Variants in PTPN21 observed in about 807,000 individuals in gnomAD.
PTPN21 encodes protein tyrosine phosphatase non-receptor type 21.
PTPN21 carries 77 observed loss-of-function variants against 131.8 expected under a neutral mutation model. The observed-to-expected ratio is 0.58, with a 90% confidence interval of 0.49 to 0.71. The LOEUF (loss-of-function observed/expected upper bound fraction) is 0.71. Among genes scored for constraint, PTPN21 ranks in the 30% least tolerant of loss-of-function variants. The pLI is 0.00. For missense variants in PTPN21, 1,552 were observed against 1,527.1 expected (o/e 1.02, Z -0.27); for synonymous variants, 715 against 621.3 (o/e 1.15, Z -2.24).
At position 88,489,874 on chromosome 14, in the gene PTPN21, C is replaced by T. The variant is rs116252227; in HGVS notation, c.933-4032G>A. 6.6e-3 allele frequency among the ~76,000 whole-genome samples: 1,001 copies of T among 152,192 alleles called. 12 individuals are homozygous for T. Among genetic ancestry groups the T allele is most frequent in the African/African-American group, 0.023 (960 of 41,514 alleles). On this transcript the variant is annotated intron_variant, in intron 10 of 18. Coordinates refer to ENST00000556564, the MANE Select transcript of PTPN21 (RefSeq NM_007039.4). ...CACTGTTCACCCCCCTACCAAACCC[C>T]GCCTTAGGTGTAGCTTCCTGGCATT...
intron 15 of PTPN21, among the ~76,000 whole-genome samples, chr14:88,471,644 G>A (rs1257834433): frequency 6.6e-6 from 1 of 152,096 alleles, no homozygotes; most frequent in Non-Finnish European, 1.5e-5. Flanking sequence ...TATGTAAAGA[G>A]AACAGATGGC....
chr14:88,474,390 A>G lies in PTPN21; in HGVS notation c.2512-588T>C, dbSNP rs568483621. Among the ~76,000 whole-genome samples, 4 of 152,152 alleles carry G rather than the reference A, an allele frequency of 2.6e-5. No individual in the cohort carries two copies. The East Asian group carries it at 5.8e-4, about 22-fold the overall frequency. On this transcript the variant is annotated intron_variant, in intron 13 of 18. Coordinates refer to ENST00000556564, the MANE Select transcript of PTPN21 (RefSeq NM_007039.4). ...TGTTTTGTAGAGATGGGGTCTCACT[A>G]TGTTGCCCAGGCTGGTCTCAAACAA...
intron 2 of PTPN21, among the ~76,000 whole-genome samples, chr14:88,535,039 C>T (rs2078610469): frequency 6.6e-6 from 1 of 152,148 alleles, no homozygotes; most frequent in African/African-American, 2.4e-5. Flanking sequence ...ACGGTAAGTA[C>T]CCTATACAGG....
At chr14:88,526,542 G>C (rs376611418) in intron 2 of PTPN21, among the ~76,000 whole-genome samples, 22 of 60,708 alleles carry the variant, frequency 3.6e-4, no homozygotes, top group African/African-American at 1.8e-3. Flanking sequence ...AGAGCGAGAT[G>C]ATCTCAAAAA....
chr14:88,501,016 A>T, intron 7 of PTPN21, 145 bp from the exon 8 acceptor site: 1 of 664,758 alleles, frequency 1.5e-6, no homozygotes, highest in Non-Finnish European at 2.7e-6. Flanking sequence ...TCTGAATGAG[A>T]TCTATGATCT....
At chr14:88,482,915 T>C (rs1470349641) in intron 12 of PTPN21, among the ~76,000 whole-genome samples, 1 of 151,078 alleles carries the variant, frequency 6.6e-6, no homozygotes, top group Non-Finnish European at 1.5e-5. Context: ...AGAGTACTCT[T>C]ATAAGTCAGT....
In PTPN21 at chr14:88,474,142, AAAAAAAAAAAAAAC is replaced by A. The variant is rs1489539445; in HGVS notation, c.2512-354_2512-341del. On this transcript the variant is annotated intron_variant, in intron 13 of 18. Transcript: ENST00000556564. ...AATCAGCTGAAGTCCAAAAAAAAAA[AAAAAAAAAAAAAAC>A]AAAAGCTTTAAATGCAATCAATTGA... is the stretch of plus-strand genomic sequence containing the variant. Among the ~76,000 whole-genome samples the A allele has an allele frequency of 5.1e-3, 722 of 140,778 alleles. 8 individuals carry two copies. Among genetic ancestry groups the A allele is most frequent in the African/African-American group, 0.021 (692 of 32,814 alleles). 92.4% of individuals were successfully genotyped at this position (140,778 alleles called of 152,430 possible).
intron 1 of PTPN21, among the ~76,000 whole-genome samples, chr14:88,553,275 T>TC (rs1023963461): frequency 6.6e-6 from 1 of 152,168 alleles, no homozygotes; most frequent in Non-Finnish European, 1.5e-5. Context: ...ACATGGTGCA[T>TC]CCCCCCAAGA....
intron 2 of PTPN21, among the ~76,000 whole-genome samples, chr14:88,545,729 G>A (rs1487981555): frequency 1.2e-4 from 18 of 151,940 alleles, no homozygotes; most frequent in Non-Finnish European, 2.5e-4. Context: ...TTGGGAGACC[G>A]AGGCAGACGG....
rs1249133705 is a variant in PTPN21 at position 88,544,714 on chromosome 14, A to AGGCACTGAAGC, written c.180+5513_180+5523dup. Among the ~76,000 whole-genome samples, 6 of 152,348 alleles carry AGGCACTGAAGC rather than the reference A, an allele frequency of 3.9e-5. No homozygotes were observed. The East Asian group carries it at 1.2e-3, about 29-fold the overall frequency. ...TAAGCAGCCATCTCAAGAGGCAGAC[A>AGGCACTGAAGC]GGCACTGAAGCACCACTGAAGCACC... On this transcript the variant is annotated intron_variant, in intron 2 of 18. Coordinates refer to ENST00000556564, the MANE Select transcript of PTPN21 (RefSeq NM_007039.4).
chr14:88,525,046 A>C (rs1456138864), intron 2 of PTPN21, among the ~76,000 whole-genome samples: 2 of 151,914 alleles, frequency 1.3e-5, no homozygotes, highest in South Asian at 4.2e-4. Context: ...AGTTTGAGAC[A>C]ATCGTGGACA....
rs149192499 is a variant in PTPN21 at position 88,504,427 on chromosome 14, G to A, written c.585C>T (p.Tyr195=). The part of the protein sequence containing the change: ...TQKVALLHQK[Y]RGLTAPDAEM... ...CATGTCTTATTTCTTAGAGTTACCTGTATTTCTGATGTAGTAAGGCCACTT... is the reference window on the plus strand; with the variant it reads ...CATGTCTTATTTCTTAGAGTTACCTATATTTCTGATGTAGTAAGGCCACTT... The change falls in exon 6 of 19, where the codon TAC becomes TAT. Residue 195 remains tyrosine (Y), a splice_region_variant and synonymous_variant. Coordinates refer to ENST00000556564, the MANE Select transcript of PTPN21 (RefSeq NM_007039.4). 1.4e-4 allele frequency: 220 copies of A among 1,592,496 alleles called. No individual in the cohort carries two copies. The African/African-American group carries it at 2.4e-3, about 18-fold the overall frequency.
rs1323476160 is a variant in PTPN21 at position 88,479,757 on chromosome 14, CATG to C, written c.1671_1673del (p.Ile557del). 1.3e-6 allele frequency: 2 copies of C among 1,543,912 alleles called. No individual in the cohort carries two copies. The highest frequency in any genetic ancestry group is 2.3e-5 in the East Asian group (1 of 44,422). On this transcript the variant is annotated inframe_deletion, in exon 13 of 19. Transcript: ENST00000556564. Reference sequence around the variant, plus strand: ...GGGGTGGCCGGTACACCTGCGTCCGCATGATGTTGGGAGACGGGTAGTCCTGCG... The same window carrying C: ...GGGGTGGCCGGTACACCTGCGTCCGCATGTTGGGAGACGGGTAGTCCTGCG...
At chr14:88,519,981 C>A (rs180765064) in intron 2 of PTPN21, among the ~76,000 whole-genome samples, 1 of 152,204 alleles carries the variant, frequency 6.6e-6, no homozygotes, top group Non-Finnish European at 1.5e-5. Context: ...CCTGGACTAC[C>A]TCTACCAGAA....
chr14:88,517,551 C>T (rs536973530), intron 2 of PTPN21, among the ~76,000 whole-genome samples: 3 of 150,958 alleles, frequency 2.0e-5, no homozygotes, highest in South Asian at 2.1e-4. Context: ...AATGTAGTGG[C>T]GGCTACTCAA....
chr14:88,533,279 C>T (rs570196213), intron 2 of PTPN21, among the ~76,000 whole-genome samples: 35 of 152,274 alleles, frequency 2.3e-4, no homozygotes, highest in African/African-American at 7.2e-4. Context: ...AAGCTAATTA[C>T]AGTCACGTGC....
intron 14 of PTPN21, among the ~76,000 whole-genome samples, chr14:88,472,755 A>G (rs560353836): frequency 6.6e-6 from 1 of 152,274 alleles, no homozygotes. Flanking sequence ...CTGTGGTCCC[A>G]TCTACTTGGG....
intron 4 of PTPN21, 24 bp from the exon 5 acceptor site, chr14:88,505,395 C>T (rs1230173977): frequency 1.1e-5 from 16 of 1,516,034 alleles, no homozygotes; most frequent in East Asian, 2.3e-5. Flanking sequence ...CAAACATTCA[C>T]GTTAATTATA....
intron 14 of PTPN21, among the ~76,000 whole-genome samples, 193 bp from the exon 15 acceptor site, chr14:88,472,658 C>T (rs1277303222): frequency 6.6e-6 from 1 of 152,004 alleles, no homozygotes; most frequent in Non-Finnish European, 1.5e-5. Flanking sequence ...TCACTTGAGC[C>T]TAGGAGTTCA....
Sources: gnomAD v4.1 joint callset for allele counts (sites outside exome capture counted in the v4.1 genomes callset) on GRCh38, gnomAD v4.1.1 for gene constraint, MANE v1.5 for transcripts, NCBI Gene and HGNC (gene_info 2026-07-23, HGNC 2026-07-21) for gene names.